The following GALNTL6 variants were observed in gnomAD, a reference collection of about 807,000 sequenced individuals.
GALNTL6 encodes the protein polypeptide N-acetylgalactosaminyltransferase like 6.
Under a neutral mutation model 73.7 loss-of-function variants are expected in GALNTL6, and 46 were observed. The observed-to-expected ratio is 0.62, with a 90% CI of 0.49 to 0.80. The LOEUF is 0.80. Ranked by LOEUF, GALNTL6 falls within the 30% of genes least tolerant of loss-of-function variation. The probability of loss-of-function intolerance (pLI) is 0.00; values close to 1 mark genes in which losing one functional copy is unlikely to be tolerated. For synonymous variants in GALNTL6, 259 were observed against 263.7 expected, an observed-to-expected ratio of 0.98 and a Z score of 0.17; for missense variants, 604 against 755.0, an observed-to-expected ratio of 0.80 and a Z score of 2.34.
intron 5 of GALNTL6, among the ~76,000 whole-genome samples, chr4:172,569,514 A>G (rs1560813164): frequency 6.6e-6 from 1 of 152,232 alleles, no homozygotes; most frequent in South Asian, 2.1e-4. Flanking sequence ...AGATTGGACA[A>G]GCAATGATGC....
chr4:172,798,470 ATG>A (rs1740413189), intron 5 of GALNTL6, among the ~76,000 whole-genome samples: 1 of 152,116 alleles, frequency 6.6e-6, no homozygotes, highest in Non-Finnish European at 1.5e-5. Flanking sequence ...TGGCCACGTG[ATG>A]TGTGTGCACC....
At chr4:172,806,301 C>T (rs1740954253) in intron 5 of GALNTL6, among the ~76,000 whole-genome samples, 1 of 152,030 alleles carries the variant, frequency 6.6e-6, no homozygotes, top group Non-Finnish European at 1.5e-5. Context: ...AGGGTCAAAC[C>T]CCTTATGCTT....
intron 5 of GALNTL6, among the ~76,000 whole-genome samples, chr4:172,736,537 G>T (rs192577559): frequency 6.6e-6 from 1 of 152,104 alleles, no homozygotes; most frequent in African/African-American, 2.4e-5. Context: ...TGCAGATAAC[G>T]CAATCATCAC....
At chr4:172,396,693 G>A (rs1743861289) in intron 5 of GALNTL6, among the ~76,000 whole-genome samples, 1 of 152,044 alleles carries the variant, frequency 6.6e-6, no homozygotes, top group Admixed American at 6.6e-5. Context: ...GATATGTGAG[G>A]TTTATTGATG....
chr4:172,815,203 T>G (rs1270506747), intron 7 of GALNTL6, among the ~76,000 whole-genome samples: 2 of 152,176 alleles, frequency 1.3e-5, no homozygotes, highest in Non-Finnish European at 2.9e-5. Context: ...GATTTAGCCA[T>G]TCGACAATAT....
chr4:172,948,876 T>C (rs1221131899), intron 9 of GALNTL6, among the ~76,000 whole-genome samples: 2 of 152,136 alleles, frequency 1.3e-5, no homozygotes, highest in Admixed American at 6.5e-5. Context: ...TACTAAAGCC[T>C]ACTTGACCCT....
intron 2 of GALNTL6, among the ~76,000 whole-genome samples, chr4:172,185,300 T>C (rs1280312086): frequency 1.3e-5 from 2 of 152,208 alleles, no homozygotes; most frequent in African/African-American, 4.8e-5. Flanking sequence ...GACAGTGATA[T>C]AGATGGTGGG....
At chr4:172,996,905 T>C (rs906546015) in intron 10 of GALNTL6, among the ~76,000 whole-genome samples, 1 of 152,172 alleles carries the variant, frequency 6.6e-6, no homozygotes, top group Non-Finnish European at 1.5e-5. Context: ...TAGGAGATGT[T>C]TGCTCCTATT....
chr4:172,487,948 C>G (rs925278696), intron 5 of GALNTL6, among the ~76,000 whole-genome samples: 2 of 152,142 alleles, frequency 1.3e-5, no homozygotes, highest in African/African-American at 4.8e-5. Context: ...TAGAGCAAGG[C>G]TGCCATATAT....
chr4:172,103,548 T>C (rs72990342), intron 2 of GALNTL6, among the ~76,000 whole-genome samples: 1 of 152,192 alleles, frequency 6.6e-6, no homozygotes, highest in Non-Finnish European at 1.5e-5. Flanking sequence ...ATTACAGCAA[T>C]TTAAGATATA....
intron 8 of GALNTL6, among the ~76,000 whole-genome samples, chr4:172,899,320 C>T (rs1746497096): frequency 1.3e-5 from 2 of 152,318 alleles, no homozygotes; most frequent in Admixed American, 1.3e-4. Context: ...AGAAATTTCC[C>T]TCTCACTATG....
chr4:172,066,061 A>AT (rs1731352674), intron 2 of GALNTL6, among the ~76,000 whole-genome samples: 1 of 152,172 alleles, frequency 6.6e-6, no homozygotes, highest in Admixed American at 6.5e-5. Context: ...CACAAGATAC[A>AT]TTTGTTACAG....
intron 5 of GALNTL6, among the ~76,000 whole-genome samples, chr4:172,379,253 G>T (rs1161176765): frequency 6.6e-6 from 1 of 152,188 alleles, no homozygotes; most frequent in Non-Finnish European, 1.5e-5. Flanking sequence ...AGGTTAGGCC[G>T]GGCGCGGTGG....
chr4:172,694,097 GT>G (rs1323209051), intron 5 of GALNTL6, among the ~76,000 whole-genome samples: 1 of 151,784 alleles, frequency 6.6e-6, no homozygotes, highest in African/African-American at 2.4e-5. Context: ...GTCAGAGAAG[GT>G]GTATCAGTAA....
At chr4:172,012,573 G>C (rs1028432059) in intron 2 of GALNTL6, among the ~76,000 whole-genome samples, 1 of 151,822 alleles carries the variant, frequency 6.6e-6, no homozygotes, top group Admixed American at 6.6e-5. Flanking sequence ...AGTACATTTG[G>C]GAATGAACTG....
chr4:171,991,474 A>G (rs1740332679), intron 2 of GALNTL6, among the ~76,000 whole-genome samples: 1 of 151,900 alleles, frequency 6.6e-6, no homozygotes, highest in Admixed American at 6.6e-5. Flanking sequence ...GTCAAGAGAA[A>G]CCTAAAAAAC....
chr4:172,828,511 C>T (rs1318470897), intron 7 of GALNTL6, among the ~76,000 whole-genome samples: 20 of 151,966 alleles, frequency 1.3e-4, no homozygotes, highest in Admixed American at 1.3e-3. Flanking sequence ...TATGAGCCTA[C>T]CAGTCTTTTC....
At chr4:171,818,128 A>G (rs1425283957) in intron 2 of GALNTL6, among the ~76,000 whole-genome samples, 1 of 151,688 alleles carries the variant, frequency 6.6e-6, no homozygotes, top group African/African-American at 2.4e-5. Flanking sequence ...TTCTGTTTAA[A>G]CATTTGAAAT....
chr4:172,569,518 A>G (rs571096402), intron 5 of GALNTL6, among the ~76,000 whole-genome samples: 22 of 152,340 alleles, frequency 1.4e-4, no homozygotes, highest in African/African-American at 5.1e-4. Flanking sequence ...TGGACAAGCA[A>G]TGATGCTTCA....
Sources: gnomAD v4.1 joint callset for allele counts (sites outside exome capture counted in the v4.1 genomes callset) on GRCh38, gnomAD v4.1.1 for gene constraint, MANE v1.5 for transcripts, NCBI Gene and HGNC (gene_info 2026-07-23, HGNC 2026-07-21) for gene names.